PRKCA: variants seen among roughly 807,000 people sequenced by gnomAD.
PRKCA encodes the protein protein kinase C alpha type.
A neutral mutation model predicts 87.0 loss-of-function variants in PRKCA; 27 were observed. The ratio of observed to expected loss-of-function variants is 0.31; its 90% CI spans 0.23 to 0.43. The LOEUF is 0.43. Ranked by LOEUF, PRKCA falls within the 20% of genes least tolerant of loss-of-function variation. The pLI is 1.00. For missense variants in PRKCA, 518 were observed against 852.3 expected, an observed-to-expected ratio of 0.61 and a Z score of 4.88; for synonymous variants, 329 against 311.1, an observed-to-expected ratio of 1.06 and a Z score of -0.61.
rs58719328 is a variant in PRKCA at position 66,482,098 on chromosome 17, C to CAAAAAAAA, written c.206-14091_206-14084dup. 7.5e-4 allele frequency among the ~76,000 whole-genome samples: 67 copies of CAAAAAAAA among 89,064 alleles called. 1 individual carries two copies. Among genetic ancestry groups the CAAAAAAAA allele is most frequent in the Non-Finnish European group, 9.4e-4 (45 of 48,110 alleles). The allele number at this position is 89,064 out of a possible 152,430, so 58.4% of individuals were successfully genotyped here. On this transcript the variant is annotated intron_variant, in intron 2 of 16. Coordinates refer to ENST00000413366, the MANE Select transcript of PRKCA (RefSeq NM_002737.3). Reference sequence around the variant, plus strand: ...CCTGGGCGACAGAGCAAGACTGTCTCAAAAAAAAAAAAAAAAAAAGAAAAA... The same window carrying CAAAAAAAA: ...CCTGGGCGACAGAGCAAGACTGTCTCAAAAAAAAAAAAAAAAAAAAAAAAAAAGAAAAA...
chr17:66,778,862 A>T (rs1975133497), intron 14 of PRKCA, among the ~76,000 whole-genome samples: 1 of 151,116 alleles, frequency 6.6e-6, no homozygotes, highest in African/African-American at 2.4e-5. Flanking sequence ...AAAAAAAAAA[A>T]CAACAACTCC....
intron 2 of PRKCA, among the ~76,000 whole-genome samples, chr17:66,437,489 G>A (rs1057509239): frequency 6.6e-6 from 1 of 152,092 alleles, no homozygotes; most frequent in African/African-American, 2.4e-5. Flanking sequence ...ATTTTAAAGA[G>A]GTCTTGTCTC....
At chr17:66,361,049 C>T (rs541140169) in intron 2 of PRKCA, among the ~76,000 whole-genome samples, 1 of 151,456 alleles carries the variant, frequency 6.6e-6, no homozygotes, top group Non-Finnish European at 1.5e-5. Flanking sequence ...GATCTGTGAC[C>T]ATATTGTTTT....
intron 16 of PRKCA, among the ~76,000 whole-genome samples, chr17:66,795,339 G>A (rs1352325837): frequency 1.3e-5 from 2 of 152,266 alleles, no homozygotes; most frequent in East Asian, 1.9e-4. Context: ...TTTCTGTTGG[G>A]CCAGTAACAA....
chr17:66,665,810 T>C (rs1972029353), intron 5 of PRKCA, among the ~76,000 whole-genome samples: 1 of 152,216 alleles, frequency 6.6e-6, no homozygotes, highest in African/African-American at 2.4e-5. Context: ...CAAGTGTCTA[T>C]ATGTTTGGGA....
chr17:66,562,044 T>TTATATATATAATTA (rs1968697180), intron 3 of PRKCA, among the ~76,000 whole-genome samples: 4 of 127,374 alleles, frequency 3.1e-5, no homozygotes, highest in Admixed American at 7.9e-5. Context: ...GTCAATTTAA[T>TTATATATATAATTA]TATATATATA....
At chr17:66,497,403 G>A (rs964966661) in intron 3 of PRKCA, among the ~76,000 whole-genome samples, 1 of 151,920 alleles carries the variant, frequency 6.6e-6, no homozygotes, top group African/African-American at 2.4e-5. Context: ...GGCTAAGGCA[G>A]GAGACTCATT....
chr17:66,566,479 G>GTTTTTTTTTTTTTTTTTTTTTTTTTTTTT lies in PRKCA; in HGVS notation c.288+70196_288+70197insTTTTTTTTTTTTTTTTTTTTTTTTTTTTT, dbSNP rs368602635. ...TTGTGAAGAACTGTTGTTGTTTTTT[G>GTTTTTTTTTTTTTTTTTTTTTTTTTTTTT]GTTTTTTTTTTTTTTTTTTTTTTGC... On this transcript the variant is annotated intron_variant, in intron 3 of 16. Coordinates refer to ENST00000413366, the MANE Select transcript of PRKCA (RefSeq NM_002737.3). 2.7e-5 allele frequency among the ~76,000 whole-genome samples: 2 copies of GTTTTTTTTTTTTTTTTTTTTTTTTTTTTT among 74,704 alleles called. 1 individual carries two copies. Among genetic ancestry groups the GTTTTTTTTTTTTTTTTTTTTTTTTTTTTT allele is most frequent in the African/African-American group, 9.3e-5 (2 of 21,392 alleles). The allele number at this position is 74,704 out of a possible 152,430, so 49.0% of individuals were successfully genotyped here. A position where few individuals can be genotyped will look rare whatever the true frequency, so the allele number is the denominator to read the frequency against.
At chr17:66,577,839 G>T (rs913794185) in intron 3 of PRKCA, among the ~76,000 whole-genome samples, 1 of 151,996 alleles carries the variant, frequency 6.6e-6, no homozygotes, top group Non-Finnish European at 1.5e-5. Context: ...ACGGGGTAGT[G>T]GGGGGTAGGG....
intron 2 of PRKCA, among the ~76,000 whole-genome samples, chr17:66,317,002 C>T (rs775182496): frequency 2.1e-4 from 32 of 152,042 alleles, no homozygotes; most frequent in Non-Finnish European, 2.6e-4. Flanking sequence ...ATTAGCTGGG[C>T]GCGGTGGCGG....
chr17:66,694,569 A>G (rs554937500), intron 8 of PRKCA, among the ~76,000 whole-genome samples: 11 of 151,550 alleles, frequency 7.3e-5, no homozygotes, highest in Admixed American at 2.6e-4. Flanking sequence ...TGTTGCAGCT[A>G]ATAATTCATT....
chr17:66,349,840 G>A (rs577457986), intron 2 of PRKCA, among the ~76,000 whole-genome samples: 6 of 152,120 alleles, frequency 3.9e-5, no homozygotes, highest in Non-Finnish European at 7.4e-5. Context: ...TAGGGCCTTC[G>A]TTAATGTCTT....
At chr17:66,556,956 G>T (rs1968514719) in intron 3 of PRKCA, among the ~76,000 whole-genome samples, 1 of 152,156 alleles carries the variant, frequency 6.6e-6, no homozygotes, top group Admixed American at 6.6e-5. Context: ...TCAGGATAGG[G>T]GATAAGGAAA....
intron 8 of PRKCA, among the ~76,000 whole-genome samples, chr17:66,717,679 C>T (rs547875656): frequency 3.0e-4 from 46 of 152,196 alleles, no homozygotes; most frequent in East Asian, 7.7e-4. Context: ...GAGAACAGAG[C>T]GTCCTTCTCT....
intron 13 of PRKCA, among the ~76,000 whole-genome samples, chr17:66,757,222 GAAA>G (rs34461648): frequency 7.7e-6 from 1 of 130,432 alleles, no homozygotes; most frequent in Admixed American, 7.7e-5. Context: ...AGCAAAGACT[GAAA>G]AAAAAAAAAA....
At chr17:66,634,338 T>C (rs1843709355) in intron 3 of PRKCA, among the ~76,000 whole-genome samples, 1 of 152,224 alleles carries the variant, frequency 6.6e-6, no homozygotes, top group Non-Finnish European at 1.5e-5. Flanking sequence ...AGCTGTATTT[T>C]TCCCTCTTTC....
intron 3 of PRKCA, among the ~76,000 whole-genome samples, chr17:66,591,304 C>T (rs1465826610): frequency 6.6e-6 from 1 of 150,644 alleles, no homozygotes; most frequent in African/African-American, 2.4e-5. Flanking sequence ...AGGCGTGCAC[C>T]ACCATGCCCA....
chr17:66,450,755 C>A (rs373908209), intron 2 of PRKCA, among the ~76,000 whole-genome samples: 2 of 150,648 alleles, frequency 1.3e-5, no homozygotes, highest in Non-Finnish European at 3.0e-5. Context: ...CCAGCTCATG[C>A]TGTTCTGATG....
chr17:66,594,504 A>G (rs958250714), intron 3 of PRKCA, among the ~76,000 whole-genome samples: 1 of 152,184 alleles, frequency 6.6e-6, no homozygotes, highest in East Asian at 1.9e-4. Context: ...GATGACTTCA[A>G]TGAAGGGCAA....
Sources: gnomAD v4.1 joint callset for allele counts (sites outside exome capture counted in the v4.1 genomes callset) on GRCh38, gnomAD v4.1.1 for gene constraint, MANE v1.5 for transcripts, NCBI Gene and HGNC (gene_info 2026-07-23, HGNC 2026-07-21) for gene names.